Variants in SLC4A4 observed in about 807,000 individuals in gnomAD.
SLC4A4 encodes the protein electrogenic sodium bicarbonate cotransporter 1.
Under a neutral mutation model 111.5 loss-of-function variants are expected in SLC4A4, and 27 were observed. The observed-to-expected ratio is 0.24, with a 90% CI of 0.18 to 0.33. The LOEUF is 0.33. Among genes scored for constraint, SLC4A4 ranks in the 10% least tolerant of loss-of-function variants. The pLI is 1.00. For synonymous variants in SLC4A4, 443 were observed against 463.4 expected (o/e 0.96, Z 0.57); for missense variants, 909 against 1,315.5 (o/e 0.69, Z 4.78).
intron 2 of SLC4A4, among the ~76,000 whole-genome samples, chr4:71,239,099 A>G (rs1720004169): frequency 6.6e-6 from 1 of 152,226 alleles, no homozygotes; most frequent in Non-Finnish European, 1.5e-5. Flanking sequence ...CATTTATGGC[A>G]GAAGTGAATG....
chr4:71,408,412 C>T (rs1406309559), intron 7 of SLC4A4, among the ~76,000 whole-genome samples: 1 of 152,162 alleles, frequency 6.6e-6, no homozygotes, highest in African/African-American at 2.4e-5. Context: ...TCATCATTGC[C>T]ATTTTCATTA....
chr4:71,306,366 A>G (rs2602062), intron 3 of SLC4A4, among the ~76,000 whole-genome samples: 4,972 of 152,198 alleles, frequency 0.033, 288 homozygotes, highest in African/African-American at 0.11. Flanking sequence ...GTGGATCATG[A>G]GGTCAAGAGA....
chr4:71,129,743 A>C (rs1258526333), intron 2 of SLC4A4, among the ~76,000 whole-genome samples: 1 of 151,430 alleles, frequency 6.6e-6, no homozygotes. Context: ...TAGACTGAAT[A>C]AAGAAAATGT....
At chr4:71,444,976 G>A (rs969531331) in intron 8 of SLC4A4, among the ~76,000 whole-genome samples, 2 of 152,198 alleles carry the variant, frequency 1.3e-5, no homozygotes, top group East Asian at 3.9e-4. Flanking sequence ...CCACCATGTT[G>A]GTTTGGCCCT....
At chr4:71,354,431 A>G (rs1219442209) in intron 5 of SLC4A4, among the ~76,000 whole-genome samples, 1 of 152,232 alleles carries the variant, frequency 6.6e-6, no homozygotes, top group African/African-American at 2.4e-5. Flanking sequence ...AACATATTAC[A>G]GAGCTTTTGT....
intron 3 of SLC4A4, among the ~76,000 whole-genome samples, chr4:71,320,908 T>C (rs975697544): frequency 2.0e-5 from 3 of 152,060 alleles, no homozygotes; most frequent in East Asian, 1.9e-4. Context: ...TCAATCTCTT[T>C]TGAAATGGCA....
chr4:71,336,747 A>G (rs919010694), intron 3 of SLC4A4, among the ~76,000 whole-genome samples: 1 of 152,180 alleles, frequency 6.6e-6, no homozygotes, highest in Non-Finnish European at 1.5e-5. Context: ...TTTCATTACA[A>G]TCACTTTCCT....
intron 6 of SLC4A4, among the ~76,000 whole-genome samples, chr4:71,378,944 TC>T (rs1717815064): frequency 1.3e-5 from 2 of 152,172 alleles, no homozygotes; most frequent in African/African-American, 2.4e-5. Flanking sequence ...CCCTTCACCC[TC>T]TGTACCCTTC....
At chr4:71,132,555 G>A (rs967988725) in intron 2 of SLC4A4, among the ~76,000 whole-genome samples, 3 of 152,152 alleles carry the variant, frequency 2.0e-5, no homozygotes, top group African/African-American at 7.2e-5. Flanking sequence ...TAGGGAATGA[G>A]TTAAATTGTG....
At chr4:71,394,851 A>G (rs1719654792) in intron 6 of SLC4A4, among the ~76,000 whole-genome samples, 1 of 152,172 alleles carries the variant, frequency 6.6e-6, no homozygotes, top group Non-Finnish European at 1.5e-5. Context: ...GTATGTTCTC[A>G]CTGATATGTG....
chr4:71,260,484 C>G (rs1007952628), intron 3 of SLC4A4, among the ~76,000 whole-genome samples: 4 of 152,112 alleles, frequency 2.6e-5, no homozygotes, highest in Non-Finnish European at 5.9e-5. Flanking sequence ...GTAGACCTGT[C>G]CCAGTTTAAA....
At chr4:71,159,322 TTCTA>T (rs1744561015) in intron 2 of SLC4A4, among the ~76,000 whole-genome samples, 1 of 152,160 alleles carries the variant, frequency 6.6e-6, no homozygotes, top group South Asian at 2.1e-4. Context: ...GTATAAATTT[TTCTA>T]TCTCTCTCTT....
In SLC4A4 at chr4:71,368,852, T is replaced by C. The variant is rs532014297; in HGVS notation, c.730+11665T>C. On this transcript the variant is annotated intron_variant, in intron 6 of 25. Transcript: ENST00000264485. ...AGACTTTTTCATTCTTTGTGGGGATTCATTTCATCTAAGGGTGCAGGGCAT... is the reference window on the plus strand; with the variant it reads ...AGACTTTTTCATTCTTTGTGGGGATCCATTTCATCTAAGGGTGCAGGGCAT... Among the ~76,000 whole-genome samples the C allele has an allele frequency of 3.3e-5, 5 of 152,334 alleles. No individual in the cohort carries two copies. The South Asian group carries it at 1.0e-3, about 32-fold the overall frequency.
At chr4:71,328,867 T>C (rs973116448) in intron 3 of SLC4A4, among the ~76,000 whole-genome samples, 2 of 152,158 alleles carry the variant, frequency 1.3e-5, no homozygotes, top group Admixed American at 6.6e-5. Flanking sequence ...TTTGTGCTTA[T>C]GGGGTATTAC....
chr4:71,339,066 A>G, intron 3 of SLC4A4: 1 of 1,532,608 alleles, frequency 6.5e-7, no homozygotes, highest in Non-Finnish European at 8.7e-7. Context: ...AGGGGAAGTG[A>G]GTGGTTAGAC....
At chr4:71,324,352 G>A (rs963402700) in intron 3 of SLC4A4, among the ~76,000 whole-genome samples, 1 of 151,886 alleles carries the variant, frequency 6.6e-6, no homozygotes, top group Non-Finnish European at 1.5e-5. Flanking sequence ...CTCTCTGATA[G>A]TCTTGGAATA....
At chr4:71,214,199 C>T (rs1368042839) in intron 1 of SLC4A4, among the ~76,000 whole-genome samples, 1 of 152,182 alleles carries the variant, frequency 6.6e-6, no homozygotes, top group Non-Finnish European at 1.5e-5. Flanking sequence ...CCAGCTGTGG[C>T]CTCCTAACTT....
At chr4:71,475,015 G>A (rs1728229468) in intron 14 of SLC4A4, among the ~76,000 whole-genome samples, 1 of 151,754 alleles carries the variant, frequency 6.6e-6, no homozygotes, top group South Asian at 2.1e-4. Context: ...AAGTCCAGCT[G>A]TTCAAAATAT....
chr4:71,506,074 T>C (rs1313281699), intron 16 of SLC4A4, among the ~76,000 whole-genome samples: 1 of 152,206 alleles, frequency 6.6e-6, no homozygotes, highest in Non-Finnish European at 1.5e-5. Flanking sequence ...ACCAGTACCA[T>C]GCTGTTTGGT....
Sources: gnomAD v4.1 joint callset for allele counts (sites outside exome capture counted in the v4.1 genomes callset) on GRCh38, gnomAD v4.1.1 for gene constraint, MANE v1.5 for transcripts, NCBI Gene and HGNC (gene_info 2026-07-23, HGNC 2026-07-21) for gene names.